The following ABCB7 variants were observed in gnomAD, a reference collection of about 807,000 sequenced individuals.
ABCB7 encodes iron-sulfur clusters transporter ABCB7, mitochondrial.
A neutral mutation model predicts 54.4 loss-of-function variants in ABCB7; 7 were observed. The ratio of observed to expected loss-of-function variants is 0.13; its 90% CI spans 0.07 to 0.24. The LOEUF (loss-of-function observed/expected upper bound fraction) is 0.24. Ranked by LOEUF, ABCB7 falls within the 10% of genes least tolerant of loss-of-function variation. The pLI is 1.00. For synonymous variants in ABCB7, 218 were observed against 207.1 expected, an observed-to-expected ratio of 1.05 and a Z score of -0.45; for missense variants, 356 against 570.4, an observed-to-expected ratio of 0.62 and a Z score of 3.83.
At chrX:75,093,318 A>T (rs1230506776) in intron 4 of ABCB7, among the ~76,000 whole-genome samples, 1 of 111,760 alleles carries the variant, frequency 8.9e-6, no homozygotes, top group Non-Finnish European at 1.9e-5. Flanking sequence ...AGCCAGTCTG[A>T]AAAAGCTACA....
At chrX:75,111,383 T>C (rs1369010066) in intron 3 of ABCB7, among the ~76,000 whole-genome samples, 1 of 112,366 alleles carries the variant, frequency 8.9e-6, no homozygotes, top group Non-Finnish European at 1.9e-5. Context: ...GAGCACTTAC[T>C]ATGTGTCAAG....
rs569977174 is a variant in ABCB7, at chrX:75,061,841, T to A, written c.1935+487A>T. ...TTCATAACACTTCCAGTGAAATGAA[T>A]ACAAATTGATACCAGCACTGCAGGT... On this transcript the variant is annotated intron_variant, in intron 14 of 15. Transcript: ENST00000373394. Among the ~76,000 whole-genome samples, 13 of 112,400 alleles carry A rather than the reference T, an allele frequency of 1.2e-4. No homozygotes were observed. In the South Asian group the frequency reaches 4.1e-3, roughly 35 times the overall value.
At chrX:75,094,434 C>T (rs1198709495) in intron 4 of ABCB7, among the ~76,000 whole-genome samples, 1 of 111,742 alleles carries the variant, frequency 8.9e-6, no homozygotes, top group African/African-American at 3.3e-5. Flanking sequence ...TTAGGTTGGC[C>T]GGGAGTGGTG....
chrX:75,138,729 G>A (rs2082033194), intron 1 of ABCB7, among the ~76,000 whole-genome samples: 1 of 111,511 alleles, frequency 9.0e-6, no homozygotes, highest in African/African-American at 3.3e-5. Flanking sequence ...AGGGATATGA[G>A]GCCAGGCGCA....
At chrX:75,066,686 C>A (rs181643303) in intron 12 of ABCB7, among the ~76,000 whole-genome samples, 3,199 of 102,722 alleles carry the variant, frequency 0.031, 116 homozygotes, top group African/African-American at 0.1. Flanking sequence ...ATAAATTAAA[C>A]TTTAAATAAT....
At chrX:75,122,552 G>A in intron 1 of ABCB7, among the ~76,000 whole-genome samples, 1 of 112,062 alleles carries the variant, frequency 8.9e-6, no homozygotes, top group East Asian at 2.8e-4. Flanking sequence ...AGGAATTTCT[G>A]GATCATGTAA....
chrX:75,055,618 G>A (rs1349738842), intron 15 of ABCB7, among the ~76,000 whole-genome samples: 1 of 100,315 alleles, frequency 1.0e-5, no homozygotes, highest in Non-Finnish European at 2.0e-5. Context: ...ACAGTGATAC[G>A]ATATTCTTAT....
At chrX:75,056,524 CT>C (rs2081241345) in intron 15 of ABCB7, among the ~76,000 whole-genome samples, 2 of 111,678 alleles carry the variant, frequency 1.8e-5, no homozygotes, top group African/African-American at 6.5e-5. Context: ...ATTAGTTCCC[CT>C]GACCCAGATC....
Position 75,060,228 on chromosome X carries a change from C to T in ABCB7, c.2038G>A (p.Asp680Asn). The change falls in exon 15 of 16, where the codon GAT (aspartate) becomes AAT (asparagine). Residue 680 changes from aspartate to asparagine, a missense_variant. Asp to Asn is a conservative substitution (Grantham distance 23). This residue lies in a region of ABCB7 where 241 missense variants were observed against 470.9 expected (regional missense o/e 0.51). Transcript: ENST00000373394. ...TTTAAAGTTAAATGTCTTACCTGAT[C>T]CAAGACAATGATTTCATCTGCATCA... ...VVDADEIIVLDQGKVAERGTH... is the reference protein window; with the variant it reads ...VVDADEIIVLNQGKVAERGTH... 1 of 1,202,023 alleles carries T rather than the reference C, an allele frequency of 8.3e-7. No individual in the cohort carries two copies. Among genetic ancestry groups the T allele is most frequent in the Non-Finnish European group, 1.1e-6 (1 of 886,978 alleles).
chrX:75,135,449 G>A (rs2082002850), intron 1 of ABCB7, among the ~76,000 whole-genome samples: 1 of 111,413 alleles, frequency 9.0e-6, no homozygotes, highest in Admixed American at 9.6e-5. Flanking sequence ...TAGAAGAGGA[G>A]CAACTGGTCC....
intron 1 of ABCB7, among the ~76,000 whole-genome samples, chrX:75,135,940 C>A: frequency 9.1e-6 from 1 of 109,551 alleles, no homozygotes; most frequent in South Asian, 4.0e-4. Context: ...ATGTCACTCT[C>A]ACCAGTCCTA....
chrX:75,059,457 A>G (rs770266677), intron 15 of ABCB7, among the ~76,000 whole-genome samples: 2 of 108,474 alleles, frequency 1.8e-5, no homozygotes, highest in African/African-American at 6.7e-5. Context: ...ACAAAGTAAG[A>G]CCCTGCCTCA....
chrX:75,089,095 T>C lies in ABCB7; in HGVS notation c.453+9847A>G, dbSNP rs1390052981. 2.7e-5 allele frequency among the ~76,000 whole-genome samples: 3 copies of C among 110,686 alleles called. No homozygotes were observed. The East Asian group carries it at 8.5e-4, about 31-fold the overall frequency. On this transcript the variant is annotated intron_variant, in intron 4 of 15. Transcript: ENST00000373394. ...AATTCTGCACCTAGTGAAACTGTCC[T>C]TTACAAGTGAGGGAAAAACATACAC... is the stretch of plus-strand genomic sequence containing the variant.
intron 1 of ABCB7, among the ~76,000 whole-genome samples, chrX:75,131,005 A>G (rs2081970148): frequency 9.0e-6 from 1 of 110,824 alleles, no homozygotes; most frequent in Non-Finnish European, 1.9e-5. Flanking sequence ...TGCCAAGAGA[A>G]TAAGAAAAAA....
chrX:75,111,877 G>A (rs1455744224), intron 3 of ABCB7, among the ~76,000 whole-genome samples: 1 of 111,969 alleles, frequency 8.9e-6, no homozygotes, highest in Non-Finnish European at 1.9e-5. Context: ...AGAGGCCTTG[G>A]TGACAGATGA....
chrX:75,119,384 T>C (rs920840199), intron 1 of ABCB7, among the ~76,000 whole-genome samples: 1 of 112,325 alleles, frequency 8.9e-6, no homozygotes, highest in Non-Finnish European at 1.9e-5. Context: ...ACATACTGGC[T>C]AAAGTTAAAG....
chrX:75,138,325 C>T (rs966641409), intron 1 of ABCB7, among the ~76,000 whole-genome samples: 1 of 112,043 alleles, frequency 8.9e-6, no homozygotes, highest in African/African-American at 3.2e-5. Flanking sequence ...TGTGTATACA[C>T]ACATGCATAT....
intron 4 of ABCB7, among the ~76,000 whole-genome samples, chrX:75,095,464 C>G (rs1224774861): frequency 8.9e-6 from 1 of 112,864 alleles, no homozygotes; most frequent in Non-Finnish European, 1.9e-5. Context: ...CAAGAATAAA[C>G]AATGATCACT....
chrX:75,155,151 T>C (rs1365886303), intron 1 of ABCB7, among the ~76,000 whole-genome samples: 2 of 113,157 alleles, frequency 1.8e-5, no homozygotes, highest in Non-Finnish European at 3.7e-5. Flanking sequence ...AACTAAACTG[T>C]ACAATCCTTG....
Sources: gnomAD v4.1 joint callset for allele counts (sites outside exome capture counted in the v4.1 genomes callset) on GRCh38, gnomAD v4.1.1 for gene constraint, gnomAD v4.1.1 regional missense constraint, MANE v1.5 for transcripts, NCBI Gene and HGNC (gene_info 2026-07-23, HGNC 2026-07-21) for gene names.